PKNOX2: variants seen among roughly 807,000 people sequenced by gnomAD.
The protein encoded by PKNOX2 is PBX/knotted 1 homeobox 2.
A neutral mutation model predicts 53.1 loss-of-function variants in PKNOX2; 14 were observed. The observed-to-expected ratio is 0.26, with a 90% CI of 0.17 to 0.41. The LOEUF (loss-of-function observed/expected upper bound fraction) is 0.41. Ranked by LOEUF, PKNOX2 falls within the 10% of genes least tolerant of loss-of-function variation. The pLI is 1.00. For synonymous variants in PKNOX2, 257 were observed against 242.8 expected (o/e 1.06, Z -0.54); for missense variants, 496 against 602.8 (o/e 0.82, Z 1.85).
At chr11:125,374,778 CA>C (rs1034711776) in intron 5 of PKNOX2, among the ~76,000 whole-genome samples, 1 of 152,200 alleles carries the variant, frequency 6.6e-6, no homozygotes, top group Admixed American at 6.5e-5. Context: ...TGTTAGGATT[CA>C]ATGAGATAAC....
chr11:125,290,655 G>T (rs113938078), intron 2 of PKNOX2, among the ~76,000 whole-genome samples: 1 of 152,226 alleles, frequency 6.6e-6, no homozygotes, highest in African/African-American at 2.4e-5. Flanking sequence ...TTTAGTCTCA[G>T]TCATACATTC....
chr11:125,248,590 TATA>T (rs1263811177), intron 2 of PKNOX2, among the ~76,000 whole-genome samples: 4 of 150,546 alleles, frequency 2.7e-5, no homozygotes, highest in Non-Finnish European at 1.5e-5. Flanking sequence ...TATTGTAACA[TATA>T]ATATAGATGT....
chr11:125,245,099 C>T (rs1167011381), intron 2 of PKNOX2, among the ~76,000 whole-genome samples: 1 of 152,168 alleles, frequency 6.6e-6, no homozygotes, highest in Non-Finnish European at 1.5e-5. Flanking sequence ...GGGACTCTCC[C>T]TGGGGGAGAC....
chr11:125,322,856 A>T (rs1300842427), intron 2 of PKNOX2, among the ~76,000 whole-genome samples: 1 of 152,254 alleles, frequency 6.6e-6, no homozygotes, highest in African/African-American at 2.4e-5. Flanking sequence ...TAAAATGGGT[A>T]TATTGATACC....
intron 2 of PKNOX2, among the ~76,000 whole-genome samples, chr11:125,282,252 G>T (rs941673139): frequency 1.3e-5 from 2 of 152,230 alleles, no homozygotes; most frequent in African/African-American, 2.4e-5. Context: ...ATTTTTAGCC[G>T]CATGGCCTTG....
intron 1 of PKNOX2, among the ~76,000 whole-genome samples, chr11:125,230,549 T>C (rs1488095805): frequency 6.6e-6 from 1 of 152,180 alleles, no homozygotes; most frequent in Non-Finnish European, 1.5e-5. Context: ...AAGGTTGGCT[T>C]ATAGGCCTAC....
chr11:125,347,112 G>A (rs910528794), intron 3 of PKNOX2, among the ~76,000 whole-genome samples: 4 of 152,208 alleles, frequency 2.6e-5, no homozygotes, highest in African/African-American at 9.6e-5. Context: ...GTCCAGGAGG[G>A]TGGGAGTGTC....
At chr11:125,254,704 C>T (rs970933454) in intron 2 of PKNOX2, among the ~76,000 whole-genome samples, 1 of 152,192 alleles carries the variant, frequency 6.6e-6, no homozygotes, top group African/African-American at 2.4e-5. Context: ...AGGTGAGTAA[C>T]ATGGCATCCC....
At chr11:125,188,240 A>G (rs1956572954) in intron 1 of PKNOX2, 1 of 152,216 alleles carries the variant, frequency 6.6e-6, no homozygotes, top group Non-Finnish European at 1.5e-5. Flanking sequence ...GTCATTCTCA[A>G]GGGGAGAAAG....
chr11:125,264,367 T>C (rs1182996598), intron 2 of PKNOX2, among the ~76,000 whole-genome samples: 3 of 152,152 alleles, frequency 2.0e-5, no homozygotes, highest in Non-Finnish European at 4.4e-5. Context: ...GCTCAGGCTA[T>C]GGTGGGCCTG....
chr11:125,281,339 T>G (rs1946543939), intron 2 of PKNOX2, among the ~76,000 whole-genome samples: 1 of 152,210 alleles, frequency 6.6e-6, no homozygotes, highest in African/African-American at 2.4e-5. Flanking sequence ...CCTGCCATCA[T>G]GTGGAATGTC....
chr11:125,202,747 CAG>C (rs894468187), intron 1 of PKNOX2, among the ~76,000 whole-genome samples: 4 of 152,092 alleles, frequency 2.6e-5, no homozygotes, highest in African/African-American at 9.7e-5. Flanking sequence ...TGCTCTGGGA[CAG>C]ATAATTTCAT....
At chr11:125,267,344 G>A (rs2135770432) in intron 2 of PKNOX2, among the ~76,000 whole-genome samples, 1 of 152,324 alleles carries the variant, frequency 6.6e-6, no homozygotes, top group East Asian at 1.9e-4. Flanking sequence ...GGAAGGATGT[G>A]CTTGTCCTGA....
At chr11:125,258,902 C>T (rs1244397595) in intron 2 of PKNOX2, 1 of 382,966 alleles carries the variant, frequency 2.6e-6, no homozygotes, top group East Asian at 9.3e-5. Context: ...CTGCTGCAGC[C>T]TCAGCCTCAG....
At chr11:125,196,769 A>G (rs553551148) in intron 1 of PKNOX2, among the ~76,000 whole-genome samples, 1 of 152,284 alleles carries the variant, frequency 6.6e-6, no homozygotes, top group East Asian at 1.9e-4. Context: ...CATGATTCTA[A>G]GTATTGGTAG....
At chr11:125,199,100 C>T (rs1938129895) in intron 1 of PKNOX2, among the ~76,000 whole-genome samples, 1 of 152,192 alleles carries the variant, frequency 6.6e-6, no homozygotes, top group African/African-American at 2.4e-5. Flanking sequence ...CTCGGCCTCC[C>T]AAAGTGCTGG....
chr11:125,180,049 C>T (rs1956065287), intron 1 of PKNOX2, among the ~76,000 whole-genome samples: 1 of 152,216 alleles, frequency 6.6e-6, no homozygotes, highest in Non-Finnish European at 1.5e-5. Flanking sequence ...CTAGACACCC[C>T]TGTTGTAACT....
intron 2 of PKNOX2, among the ~76,000 whole-genome samples, chr11:125,272,504 C>T (rs1050877952): frequency 6.6e-6 from 1 of 152,164 alleles, no homozygotes; most frequent in Non-Finnish European, 1.5e-5. Flanking sequence ...GGCCCAAGCT[C>T]AGATCTTGAT....
chr11:125,422,905 T>C lies in PKNOX2; in HGVS notation c.937-6107T>C, dbSNP rs1360292984. Among the ~76,000 whole-genome samples, 1 of 152,176 alleles carries C rather than the reference T, an allele frequency of 6.6e-6. No homozygotes were observed. Among genetic ancestry groups the C allele is most frequent in the African/African-American group, 2.4e-5 (1 of 41,430 alleles). The stretch of plus-strand genomic sequence containing the variant: ...CTGCCATCTGCCAGGAAACAACCTG[T>C]GGCTTCTTCAGAGACACAGCCACAT... On this transcript the variant is annotated intron_variant, in intron 10 of 12. Transcript: ENST00000298282. The surrounding 1 kb of genome is among the most constrained non-coding windows in gnomAD (Gnocchi z 4.1).
Sources: gnomAD v4.1 joint callset for allele counts (sites outside exome capture counted in the v4.1 genomes callset) on GRCh38, gnomAD v4.1.1 for gene constraint, Gnocchi (gnomAD v3.1) non-coding constraint, MANE v1.5 for transcripts, NCBI Gene and HGNC (gene_info 2026-07-23, HGNC 2026-07-21) for gene names.